LARS2: variants seen among roughly 807,000 people sequenced by gnomAD.
The protein encoded by LARS2 is leucine--tRNA ligase, mitochondrial.
LARS2 carries 81 observed loss-of-function variants against 116.6 expected under a neutral mutation model. The observed-to-expected ratio is 0.69, with a 90% CI of 0.58 to 0.84. LARS2 has a LOEUF of 0.84. Ranked by LOEUF, LARS2 falls within the 40% of genes least tolerant of loss-of-function variation. The pLI is 0.00. For missense variants in LARS2, 968 were observed against 1,114.5 expected, an observed-to-expected ratio of 0.87 and a Z score of 1.87; for synonymous variants, 396 against 407.2, an observed-to-expected ratio of 0.97 and a Z score of 0.33.
At chr3:45,428,496 C>T (rs972939231) in intron 6 of LARS2, among the ~76,000 whole-genome samples, 4 of 152,082 alleles carry the variant, frequency 2.6e-5, no homozygotes, top group African/African-American at 7.2e-5. Context: ...CCACCCGCCT[C>T]AGCCTCCCAA....
rs117576400 is a variant in LARS2, at chr3:45,404,661, A to G, written c.363+4288A>G. ...GATATATGAAATAGTTCTAAGGCAC[A>G]CTAAGAACAGCATTATCTCTGCCTC... On this transcript the variant is annotated intron_variant, in intron 4 of 21. Coordinates refer to ENST00000645846, the MANE Select transcript of LARS2 (RefSeq NM_015340.4). Among the ~76,000 whole-genome samples, 332 of 152,304 alleles carry G rather than the reference A, an allele frequency of 2.2e-3. 8 individuals are homozygous for G. In the East Asian group the frequency reaches 0.051, roughly 23 times the overall value.
At position 45,392,647 on chromosome 3, in the gene LARS2, A is replaced by G. The variant is rs563010271; in HGVS notation, c.-22+999A>G. On this transcript the variant is annotated intron_variant, in intron 2 of 21. Coordinates refer to ENST00000645846, the MANE Select transcript of LARS2 (RefSeq NM_015340.4). Reference sequence around the variant, plus strand: ...CACTTTATTCTATCCCTGAAGAAGCAAGAGGTGTTTAATGTAGTGAGAACT... The same window carrying G: ...CACTTTATTCTATCCCTGAAGAAGCGAGAGGTGTTTAATGTAGTGAGAACT... Among the ~76,000 whole-genome samples the G allele has an allele frequency of 2.3e-4, 35 of 152,166 alleles. 1 individual carries two copies. In the South Asian group the frequency reaches 5.8e-3, roughly 25 times the overall value.
At chr3:45,514,934 C>A (rs913760363) in intron 16 of LARS2, among the ~76,000 whole-genome samples, 1 of 152,172 alleles carries the variant, frequency 6.6e-6, no homozygotes, top group Non-Finnish European at 1.5e-5. Flanking sequence ...TTTCCCTTCC[C>A]ACGTAGTCTT....
intron 15 of LARS2, 51 bp from the exon 16 acceptor site, chr3:45,513,084 A>G (rs369904358): frequency 1.4e-5 from 17 of 1,246,804 alleles, no homozygotes; most frequent in African/African-American, 4.4e-5. Flanking sequence ...TGTTTTCTCA[A>G]TGCCTCATGT....
intron 18 of LARS2, among the ~76,000 whole-genome samples, chr3:45,519,463 C>G (rs906024234): frequency 6.4e-5 from 9 of 140,898 alleles, no homozygotes; most frequent in African/African-American, 2.3e-4. Flanking sequence ...TGCACTCCAA[C>G]TTGGGTGACA....
intron 16 of LARS2, 81 bp from the exon 17 acceptor site, chr3:45,516,013 A>G: frequency 9.0e-7 from 1 of 1,116,532 alleles, no homozygotes; most frequent in South Asian, 1.6e-5. Context: ...TCGCTCACCC[A>G]GTTTTTACTT....
chr3:45,462,376 A>C (rs1271523242), intron 8 of LARS2, among the ~76,000 whole-genome samples: 2 of 151,796 alleles, frequency 1.3e-5, no homozygotes, highest in Non-Finnish European at 2.9e-5. Flanking sequence ...TGAGCCTAGG[A>C]GTTCAAGACC....
At chr3:45,473,514 C>T (rs1364039015) in intron 8 of LARS2, among the ~76,000 whole-genome samples, 1 of 151,318 alleles carries the variant, frequency 6.6e-6, no homozygotes, top group Non-Finnish European at 1.5e-5. Context: ...CTCCCAAGTA[C>T]CTGGGACTAC....
At chr3:45,477,345 G>C (rs1699632917) in intron 10 of LARS2, among the ~76,000 whole-genome samples, 1 of 152,230 alleles carries the variant, frequency 6.6e-6, no homozygotes, top group African/African-American at 2.4e-5. Flanking sequence ...AGCCCCAAGA[G>C]TTTGGAGAAC....
At chr3:45,450,560 T>C (rs1226278795) in intron 7 of LARS2, among the ~76,000 whole-genome samples, 5 of 152,206 alleles carry the variant, frequency 3.3e-5, no homozygotes, top group Non-Finnish European at 5.9e-5. Flanking sequence ...TTATTGTTTT[T>C]TATGGCTGAA....
intron 20 of LARS2, among the ~76,000 whole-genome samples, chr3:45,540,620 C>T (rs1184898593): frequency 6.6e-6 from 1 of 152,214 alleles, no homozygotes; most frequent in Non-Finnish European, 1.5e-5. Flanking sequence ...CCAGAATGGG[C>T]ATGCTGGCCA....
intron 18 of LARS2, among the ~76,000 whole-genome samples, chr3:45,518,553 G>A (rs913029000): frequency 1.3e-5 from 2 of 152,146 alleles, no homozygotes; most frequent in South Asian, 2.1e-4. Context: ...CTTGCCTAAC[G>A]TCACACGGCT....
rs150836537 is a variant in LARS2, at chr3:45,417,533, G to T, written c.415G>T (p.Ala139Ser). 6.2e-7 allele frequency: 1 copy of T among 1,614,048 alleles called. No individual in the cohort carries two copies. Among genetic ancestry groups the T allele is most frequent in the South Asian group, 1.1e-5 (1 of 91,076 alleles). Residue 139 changes from alanine to serine, a missense_variant, in exon 5 of 22, where the codon GCA (alanine) becomes TCA (serine). By Grantham distance (99) the Ala-to-Ser change is moderately conservative. Coordinates refer to ENST00000645846, the MANE Select transcript of LARS2 (RefSeq NM_015340.4). The part of the protein sequence containing the change: ...DAFGLPAENA[A>S]VERNLHPQSW... ...TTTTGGATTGCCTGCTGAAAATGCC[G>T]CAGTCGAGAGGAATCTACATCCACA...
intron 3 of LARS2, among the ~76,000 whole-genome samples, chr3:45,395,495 T>C (rs1698029399): frequency 6.6e-6 from 1 of 152,266 alleles, no homozygotes; most frequent in Admixed American, 6.5e-5. Flanking sequence ...CTGGTCAAAA[T>C]GACAGCTGGG....
chr3:45,514,300 G>C (rs1179225064), intron 16 of LARS2, among the ~76,000 whole-genome samples: 1 of 152,172 alleles, frequency 6.6e-6, no homozygotes, highest in Non-Finnish European at 1.5e-5. Flanking sequence ...ATTACATTTA[G>C]AAAAACTAGT....
chr3:45,480,902 A>T (rs1699687861), intron 10 of LARS2, among the ~76,000 whole-genome samples: 1 of 152,242 alleles, frequency 6.6e-6, no homozygotes. Context: ...ACAACTGAGC[A>T]TACCATATAA....
chr3:45,404,143 T>TA (rs146294062), intron 4 of LARS2, among the ~76,000 whole-genome samples: 5,133 of 152,336 alleles, frequency 0.034, 119 homozygotes, highest in East Asian at 0.11. Context: ...CACTATTTGT[T>TA]ATTTGGTTGA....
chr3:45,482,990 G>A (rs73830414), intron 10 of LARS2, among the ~76,000 whole-genome samples: 1,664 of 152,308 alleles, frequency 0.011, 32 homozygotes, highest in African/African-American at 0.036. Context: ...CTTTGAGGCC[G>A]TGACCTAGCA....
At chr3:45,516,760 C>T (rs1395746190) in intron 17 of LARS2, among the ~76,000 whole-genome samples, 1 of 152,054 alleles carries the variant, frequency 6.6e-6, no homozygotes, top group South Asian at 2.1e-4. Flanking sequence ...TCCAGAAAGC[C>T]CCGGGAGGGG....
Sources: gnomAD v4.1 joint callset for allele counts (sites outside exome capture counted in the v4.1 genomes callset) on GRCh38, gnomAD v4.1.1 for gene constraint, MANE v1.5 for transcripts, NCBI Gene and HGNC (gene_info 2026-07-23, HGNC 2026-07-21) for gene names.